Variants in TMEM98 observed in about 807,000 individuals in gnomAD.
TMEM98 encodes transmembrane protein 98.
In TMEM98, 18 loss-of-function variants were observed where a neutral mutation model predicts 25.0. The observed-to-expected ratio is 0.72, with a 90% confidence interval of 0.50 to 1.07. The LOEUF (loss-of-function observed/expected upper bound fraction) is 1.07. Among genes scored for constraint, TMEM98 ranks in the 50% least tolerant of loss-of-function variants. TMEM98 has a pLI of 0.00. For missense variants in TMEM98, 241 were observed against 289.0 expected (o/e 0.83, Z 1.20); for synonymous variants, 103 against 112.4 (o/e 0.92, Z 0.53).
intron 5 of TMEM98, among the ~76,000 whole-genome samples, chr17:32,934,542 G>A (rs890799155): frequency 5.5e-4 from 83 of 152,234 alleles, no homozygotes; most frequent in African/African-American, 1.8e-3. Flanking sequence ...TCATCTGGTC[G>A]TCTTAATTCA....
chr17:32,940,520 G>C (rs2091523444), intron 7 of TMEM98, among the ~76,000 whole-genome samples: 1 of 152,164 alleles, frequency 6.6e-6, no homozygotes, highest in African/African-American at 2.4e-5. Flanking sequence ...AAATAAGCTT[G>C]TGAGAGACAG....
intron 6 of TMEM98, 45 bp from the exon 7 acceptor site, chr17:32,939,432 G>GAGATCA: frequency 7.4e-7 from 1 of 1,351,362 alleles, no homozygotes; most frequent in South Asian, 1.2e-5. Context: ...AGGAGAAAAG[G>GAGATCA]AGATCAGGAA....
rs752373747 is a variant in TMEM98 at position 32,940,959 on chromosome 17, C to T, written c.647C>T (p.Pro216Leu). Residue 216 changes from proline (P) to leucine (L), a missense_variant, in exon 8 of 8, where the codon CCT becomes CTT. Physicochemically the swap from Pro to Leu is moderately conservative, Grantham distance 98 (BLOSUM62 -3). Coordinates refer to ENST00000579849, the MANE Select transcript of TMEM98 (RefSeq NM_015544.3). The part of the protein sequence containing the change: ...ASEPDKGLPG[P>L]EGFLQEQSAI ...GAGCCAGATAAAGGCCTCCCAGGCC[C>T]TGAAGGCTTCCTGCAGGAGCAGTCT... 33 of 1,612,764 alleles carry T rather than the reference C, an allele frequency of 2.0e-5. No homozygotes were observed. The highest frequency in any genetic ancestry group is 2.3e-5 in the Non-Finnish European group (27 of 1,179,742).
chr17:32,929,965 G>A lies in TMEM98; in HGVS notation c.-130-1362G>A, dbSNP rs140880515. Among the ~76,000 whole-genome samples, 214 of 152,194 alleles carry A rather than the reference G, an allele frequency of 1.4e-3. 1 individual carries two copies. The highest frequency in any genetic ancestry group is 4.6e-3 in the African/African-American group (192 of 41,530). On this transcript the variant is annotated intron_variant, in intron 1 of 7. Coordinates refer to ENST00000579849, the MANE Select transcript of TMEM98 (RefSeq NM_015544.3). The stretch of plus-strand genomic sequence containing the variant: ...CCAACTCCTTAAGATCAGGGTCTCT[G>A]TCCTATCTATCTCCAATCTCCAGTG...
In TMEM98 at chr17:32,941,694, G is replaced by A. The variant is rs1185640464; in HGVS notation, c.*701G>A. ...AATTCATATGCATGGTGTATTGTGG[G>A]ACATACTTAGATGGAAGGAGAGAGC... On this transcript the variant is annotated 3_prime_UTR_variant, in exon 8 of 8. Transcript: ENST00000579849. 6.6e-6 allele frequency: 1 copy of A among 152,176 alleles called. No homozygotes were observed. Among genetic ancestry groups the A allele is most frequent in the Non-Finnish European group, 1.5e-5 (1 of 68,046 alleles). The allele number at this position is 152,176 out of a possible 1,614,324, so 9.4% of individuals were successfully genotyped here.
In TMEM98 at chr17:32,943,142, T is replaced by C. The variant is rs1019533398; in HGVS notation, c.*2149T>C. Reference sequence around the variant, plus strand: ...TGGATCCCTTAGATGCTGCCCTTTCTGTTGTGAGGAGAGGTTGCCGAAGAT... The same window carrying C: ...TGGATCCCTTAGATGCTGCCCTTTCCGTTGTGAGGAGAGGTTGCCGAAGAT... On this transcript the variant is annotated 3_prime_UTR_variant, in exon 8 of 8. Transcript: ENST00000579849. 2.0e-5 allele frequency: 3 copies of C among 152,384 alleles called. No homozygotes were observed. The highest frequency in any genetic ancestry group is 4.4e-5 in the Non-Finnish European group (3 of 68,170). The allele number at this position is 152,384 out of a possible 1,614,324, so 9.4% of individuals were successfully genotyped here. A position where few individuals can be genotyped will look rare whatever the true frequency, so the allele number is the denominator to read the frequency against.
intron 6 of TMEM98, among the ~76,000 whole-genome samples, chr17:32,939,201 G>A (rs1424636283): frequency 6.6e-6 from 1 of 152,212 alleles, no homozygotes; most frequent in Admixed American, 6.5e-5. Flanking sequence ...GAGGTCAGGA[G>A]TTCAAGGCTA....
rs1371781346 is a variant in TMEM98, at chr17:32,942,812, C to T, written c.*1819C>T. On this transcript the variant is annotated 3_prime_UTR_variant, in exon 8 of 8. Coordinates refer to ENST00000579849, the MANE Select transcript of TMEM98 (RefSeq NM_015544.3). Reference sequence around the variant, plus strand: ...CTTTGACTTTTCTATTTGAGGCCTCCACAGTAAACATCCAGAGTCATCCTA... The same window carrying T: ...CTTTGACTTTTCTATTTGAGGCCTCTACAGTAAACATCCAGAGTCATCCTA... The T allele has an allele frequency of 1.3e-5, 2 of 152,214 alleles. No homozygotes were observed. The highest frequency in any genetic ancestry group is 2.4e-5 in the African/African-American group (1 of 41,458). 9.4% of individuals were successfully genotyped at this position (152,214 alleles called of 1,614,324 possible).
In TMEM98 at chr17:32,934,294, T is replaced by A; in HGVS notation, c.267T>A (p.Gly89=). The A allele has an allele frequency of 6.2e-7, 1 of 1,613,916 alleles. No homozygotes were observed. The highest frequency in any genetic ancestry group is 8.5e-7 in the Non-Finnish European group (1 of 1,179,974). Residue 89 remains glycine, a synonymous_variant, in exon 5 of 8, where the codon GGT becomes GGA. Transcript: ENST00000579849. ...TGACTTCTTCTTGTTTCCCCAGGGGTCTCATGTCCCACTGCATTGCCATCT... is the reference window on the plus strand; with the variant it reads ...TGACTTCTTCTTGTTTCCCCAGGGGACTCATGTCCCACTGCATTGCCATCT... The part of the protein sequence containing the change: ...ENEDWIEDAS[G]LMSHCIAILK...
intron 5 of TMEM98, 52 bp from the exon 6 acceptor site, chr17:32,936,280 G>A: frequency 6.8e-7 from 1 of 1,475,156 alleles, no homozygotes; most frequent in Non-Finnish European, 9.4e-7. Flanking sequence ...GGGTGGCGAG[G>A]CCCTGAGTGG....
At chr17:32,939,337 G>T in intron 6 of TMEM98, 140 bp from the exon 7 acceptor site, 1 of 755,338 alleles carries the variant, frequency 1.3e-6, no homozygotes, top group Non-Finnish European at 2.1e-6. Context: ...AGCCTGGGAG[G>T]TGGATGTTGC....
In TMEM98 at chr17:32,941,224, C is replaced by G; in HGVS notation, c.*231C>G. On this transcript the variant is annotated 3_prime_UTR_variant, in exon 8 of 8. Coordinates refer to ENST00000579849, the MANE Select transcript of TMEM98 (RefSeq NM_015544.3). ...ACAGTTAGGGGAGATGCCATTCACT[C>G]TCTGCAAGAGGAGTATTGAAAACTG... 2.3e-6 allele frequency: 1 copy of G among 437,548 alleles called. No individual in the cohort carries two copies. The highest frequency in any genetic ancestry group is 3.8e-5 in the South Asian group (1 of 26,102). 27.1% of individuals were successfully genotyped at this position (437,548 alleles called of 1,614,324 possible). A position where few individuals can be genotyped will look rare whatever the true frequency, so the allele number is the denominator to read the frequency against.
chr17:32,931,765 C>G (rs1221087303), intron 3 of TMEM98, 106 bp downstream of exon 3: 2 of 1,426,436 alleles, frequency 1.4e-6, no homozygotes, highest in African/African-American at 2.8e-5. Context: ...CTTTTTGGTT[C>G]TAAAATGGTA....
At position 32,931,314 on chromosome 17, in the gene TMEM98, T is replaced by TGGTTC; in HGVS notation, c.-130-12_-130-8dup. 1 of 488,074 alleles carries TGGTTC rather than the reference T, an allele frequency of 2.0e-6. No individual in the cohort carries two copies. Among genetic ancestry groups the TGGTTC allele is most frequent in the East Asian group, 3.5e-5 (1 of 28,314 alleles). 30.2% of individuals were successfully genotyped at this position (488,074 alleles called of 1,614,324 possible). On this transcript the variant is annotated splice_polypyrimidine_tract_variant and intron_variant, in intron 1 of 7. Transcript: ENST00000579849. ...TTGGGGCATGGCATAAATTTTACCTTGGTTCTCTTCAGGCCCTCAGGTCTC... is the reference window on the plus strand; with the variant it reads ...TTGGGGCATGGCATAAATTTTACCTTGGTTCGGTTCTCTTCAGGCCCTCAGGTCTC...
Position 32,931,521 on chromosome 17 carries a change from C to A in TMEM98, c.-8C>A. ...TGACCGGGACTGAGTCAGGAGCCCT[C>A]TGGAAGCATGGAGACTGTGGTGATT... On this transcript the variant is annotated 5_prime_UTR_variant, in exon 3 of 8. It adds an upstream start codon to the 5' untranslated region. Transcript: ENST00000579849. The A allele has an allele frequency of 6.2e-7, 1 of 1,604,586 alleles. No homozygotes were observed. Among genetic ancestry groups the A allele is most frequent in the Non-Finnish European group, 8.5e-7 (1 of 1,176,146 alleles).
rs943143763 is a variant in TMEM98, at chr17:32,943,734, C to T, written c.*2741C>T. 1 of 152,196 alleles carries T rather than the reference C, an allele frequency of 6.6e-6. No individual in the cohort carries two copies. Among genetic ancestry groups the T allele is most frequent in the African/African-American group, 2.4e-5 (1 of 41,434 alleles). The allele number at this position is 152,196 out of a possible 1,614,324, so 9.4% of individuals were successfully genotyped here. A position where few individuals can be genotyped will look rare whatever the true frequency, so the allele number is the denominator to read the frequency against. On this transcript the variant is annotated 3_prime_UTR_variant, in exon 8 of 8. Coordinates refer to ENST00000579849, the MANE Select transcript of TMEM98 (RefSeq NM_015544.3). ...TATTGTCATTGGGTTGGTATGTCAA[C>T]AAGCAAAACGGTATGTGTGAGCTGC...
intron 6 of TMEM98, among the ~76,000 whole-genome samples, chr17:32,939,201 G>T (rs1424636283): frequency 2.6e-5 from 4 of 152,212 alleles, no homozygotes; most frequent in Admixed American, 2.6e-4. Context: ...GAGGTCAGGA[G>T]TTCAAGGCTA....
rs569395920 is a variant in TMEM98 at position 32,942,195 on chromosome 17, C to G, written c.*1202C>G. 15 of 152,276 alleles carry G rather than the reference C, an allele frequency of 9.9e-5. No individual in the cohort carries two copies. In the South Asian group the frequency reaches 1.5e-3, roughly 15 times the overall value. The allele number at this position is 152,276 out of a possible 1,614,324, so 9.4% of individuals were successfully genotyped here. A position where few individuals can be genotyped will look rare whatever the true frequency, so the allele number is the denominator to read the frequency against. ...CTGATATTAATATCTGTTCATTTTG[C>G]AAACATTGAAAGATTATGAAAGCTA... On this transcript the variant is annotated 3_prime_UTR_variant, in exon 8 of 8. Coordinates refer to ENST00000579849, the MANE Select transcript of TMEM98 (RefSeq NM_015544.3).
intron 4 of TMEM98, 126 bp downstream of exon 4, chr17:32,933,431 G>A (rs2091480409): frequency 1.5e-6 from 2 of 1,332,900 alleles, no homozygotes; most frequent in Non-Finnish European, 2.1e-6. Context: ...TCTTTCCTGT[G>A]CCTTTAGTGT....
Sources: gnomAD v4.1 joint callset for allele counts (sites outside exome capture counted in the v4.1 genomes callset) on GRCh38, gnomAD v4.1.1 for gene constraint, MANE v1.5 for transcripts, NCBI Gene and HGNC (gene_info 2026-07-23, HGNC 2026-07-21) for gene names.